The following LRPPRC variants were observed in gnomAD, a reference collection of about 807,000 sequenced individuals.
LRPPRC encodes the protein leucine-rich PPR motif-containing protein, mitochondrial.
Under a neutral mutation model 180.3 loss-of-function variants are expected in LRPPRC, and 120 were observed. The ratio of observed to expected loss-of-function variants is 0.67; its 90% confidence interval spans 0.57 to 0.77. The LOEUF (loss-of-function observed/expected upper bound fraction) is 0.77, where lower values mean the gene tolerates loss of function less well. LRPPRC is among the 30% of genes least tolerant of loss of function. The pLI is 0.00. For missense variants in LRPPRC, 2,012 were observed against 1,657.2 expected, an observed-to-expected ratio of 1.21 and a Z score of -3.72; for synonymous variants, 723 against 600.0, an observed-to-expected ratio of 1.21 and a Z score of -3.00.
Position 43,990,477 on chromosome 2 carries a change from C to T in LRPPRC, c.149+5322G>A, listed in dbSNP as rs1020195534. Among the ~76,000 whole-genome samples the T allele has an allele frequency of 3.3e-5, 5 of 152,332 alleles. No individual in the cohort carries two copies. In the East Asian group the frequency reaches 5.8e-4, roughly 18 times the overall value. ...AAAATCTGTACTTAAAATCCTCCAACGGCTTCCAATCATCAACTAACCTAC... is the reference window on the plus strand; with the variant it reads ...AAAATCTGTACTTAAAATCCTCCAATGGCTTCCAATCATCAACTAACCTAC... On this transcript the variant is annotated intron_variant, in intron 1 of 37. Coordinates refer to ENST00000260665, the MANE Select transcript of LRPPRC (RefSeq NM_133259.4).
chr2:43,996,076 G>A (rs1675059622), upstream of LRPPRC: 1 of 860,318 alleles, frequency 1.2e-6, no homozygotes. Flanking sequence ...GCGACGGATT[G>A]TTTTAGGTTG....
At chr2:43,971,917 A>T (rs543912376) in intron 11 of LRPPRC, among the ~76,000 whole-genome samples, 241 of 152,248 alleles carry the variant, frequency 1.6e-3, no homozygotes, top group Non-Finnish European at 3.0e-3. Flanking sequence ...TTGCACTCTC[A>T]GAACACACAA....
intron 14 of LRPPRC, among the ~76,000 whole-genome samples, chr2:43,952,840 C>T (rs1428847503): frequency 1.3e-5 from 2 of 152,158 alleles, no homozygotes; most frequent in Non-Finnish European, 2.9e-5. Flanking sequence ...TTCCTGTCCC[C>T]CTATCTGCCT....
At chr2:43,963,851 A>G (rs1673451837) in intron 11 of LRPPRC, 145 bp from the exon 12 acceptor site, 14 of 688,886 alleles carry the variant, frequency 2.0e-5, no homozygotes, top group Non-Finnish European at 3.6e-5. Flanking sequence ...GAAAAGAAAC[A>G]CTGTGAGATA....
At chr2:43,890,400 C>G (rs1304533207) in intron 36 of LRPPRC, 1 of 467,332 alleles carries the variant, frequency 2.1e-6, no homozygotes, top group Non-Finnish European at 4.4e-6. Context: ...GTATAGTTAG[C>G]TACAATGATA....
At chr2:43,980,871 T>A (rs966555024) in intron 2 of LRPPRC, among the ~76,000 whole-genome samples, 2 of 152,168 alleles carry the variant, frequency 1.3e-5, no homozygotes, top group Non-Finnish European at 1.5e-5. Context: ...AATTTCTTTT[T>A]GGGGTGATGA....
chr2:43,984,263 C>G (rs867857015), intron 1 of LRPPRC, among the ~76,000 whole-genome samples: 1 of 152,176 alleles, frequency 6.6e-6, no homozygotes, highest in Middle Eastern at 3.4e-3. Context: ...CTGATTAATA[C>G]AGAAATTTCA....
intron 14 of LRPPRC, 58 bp from the exon 15 acceptor site, chr2:43,950,658 TA>T (rs1268038718): frequency 7.4e-6 from 8 of 1,087,990 alleles, no homozygotes; most frequent in African/African-American, 1.5e-5. Flanking sequence ...AGTATATGCA[TA>T]CTTGTAATAT....
At chr2:43,908,488 C>G (rs1311219496) in intron 30 of LRPPRC, among the ~76,000 whole-genome samples, 1 of 151,446 alleles carries the variant, frequency 6.6e-6, no homozygotes, top group African/African-American at 2.4e-5. Context: ...TAGATGACAA[C>G]AAAGGCAAAA....
Position 43,947,715 on chromosome 2 carries a change from T to A in LRPPRC, c.1965+16A>T. The stretch of plus-strand genomic sequence containing the variant: ...GGGTATTATAGCATGTAGAATCTAG[T>A]CAAAATCCTACTTACTTTTTGAAAG... On this transcript the variant is annotated intron_variant, in intron 19 of 37. Coordinates refer to ENST00000260665, the MANE Select transcript of LRPPRC (RefSeq NM_133259.4). The A allele has an allele frequency of 6.8e-7, 1 of 1,467,354 alleles. No individual in the cohort carries two copies. The highest frequency in any genetic ancestry group is 9.6e-7 in the Non-Finnish European group (1 of 1,046,766). 90.9% of individuals were successfully genotyped at this position (1,467,354 alleles called of 1,614,324 possible).
chr2:43,976,064 A>G (rs1177440726), intron 6 of LRPPRC, 79 bp downstream of exon 6: 5 of 816,816 alleles, frequency 6.1e-6, no homozygotes, highest in Non-Finnish European at 1.1e-5. Flanking sequence ...CACTTAACAA[A>G]CAAAAAAGGA....
intron 25 of LRPPRC, among the ~76,000 whole-genome samples, chr2:43,929,930 A>T (rs1348879990): frequency 6.7e-6 from 1 of 148,304 alleles, no homozygotes; most frequent in Admixed American, 6.9e-5. Flanking sequence ...CATATCCTGA[A>T]ATTTTGGAGG....
intron 36 of LRPPRC, among the ~76,000 whole-genome samples, chr2:43,893,550 T>TTG (rs1670572464): frequency 6.6e-6 from 1 of 152,230 alleles, no homozygotes; most frequent in Non-Finnish European, 1.5e-5. Flanking sequence ...TTTAGCAATA[T>TTG]CTTAAAATTA....
At chr2:43,898,994 A>G (rs1670793093) in intron 34 of LRPPRC, among the ~76,000 whole-genome samples, 1 of 152,100 alleles carries the variant, frequency 6.6e-6, no homozygotes, top group South Asian at 2.1e-4. Flanking sequence ...CCGCTACCTC[A>G]ATTCTAAAGA....
intron 29 of LRPPRC, among the ~76,000 whole-genome samples, chr2:43,916,601 A>G (rs1198900777): frequency 6.6e-6 from 1 of 152,238 alleles, no homozygotes; most frequent in Non-Finnish European, 1.5e-5. Flanking sequence ...ACTTTTAATA[A>G]AAATGTATGC....
At chr2:43,921,562 A>AT (rs1455124341) in intron 27 of LRPPRC, among the ~76,000 whole-genome samples, 1 of 152,242 alleles carries the variant, frequency 6.6e-6, no homozygotes, top group African/African-American at 2.4e-5. Flanking sequence ...AGGTACATAC[A>AT]TAAAAAATAC....
intron 23 of LRPPRC, among the ~76,000 whole-genome samples, chr2:43,942,453 A>G (rs903914608): frequency 2.6e-5 from 4 of 152,156 alleles, no homozygotes; most frequent in African/African-American, 9.7e-5. Context: ...CTTTAAAAGG[A>G]TGTAATGCTG....
intron 13 of LRPPRC, chr2:43,959,041 G>A (rs981741388): frequency 3.7e-6 from 2 of 538,834 alleles, no homozygotes; most frequent in Non-Finnish European, 3.3e-6. Flanking sequence ...AGCTATGAAG[G>A]CTGCTGACAA....
At chr2:43,944,567 G>A (rs75593333) in intron 22 of LRPPRC, among the ~76,000 whole-genome samples, 3,040 of 152,048 alleles carry the variant, frequency 0.02, 101 homozygotes, top group African/African-American at 0.069. Flanking sequence ...TTAGAAAGGC[G>A]TCCTAGGAAA....
Sources: allele counts gnomAD v4.1 joint callset (sites outside exome capture counted in the v4.1 genomes callset), GRCh38; gene constraint gnomAD v4.1.1; transcripts MANE v1.5; gene names NCBI Gene and HGNC (gene_info 2026-07-23, HGNC 2026-07-21).